SHQ1: variants seen among roughly 807,000 people sequenced by gnomAD.
The protein encoded by SHQ1 is SHQ1, H/ACA ribonucleoprotein assembly factor.
In SHQ1, 49 loss-of-function variants were observed where a neutral mutation model predicts 53.8. The observed-to-expected ratio is 0.91, with a 90% confidence interval of 0.72 to 1.16. SHQ1 has a LOEUF of 1.16. Ranked by LOEUF, SHQ1 falls within the 50% of genes most tolerant of loss-of-function variation. The pLI is 0.00. For missense variants in SHQ1, 738 were observed against 683.1 expected, an observed-to-expected ratio of 1.08 and a Z score of -0.90; for synonymous variants, 243 against 251.0, an observed-to-expected ratio of 0.97 and a Z score of 0.30.
chr3:72,781,053 CTTTT>C (rs1289843504), intron 10 of SHQ1, among the ~76,000 whole-genome samples: 1 of 141,666 alleles, frequency 7.1e-6, no homozygotes, highest in African/African-American at 2.6e-5. Flanking sequence ...ATTTTCTTCT[CTTTT>C]TTTTTTTCTT....
intron 5 of SHQ1, 140 bp downstream of exon 5, chr3:72,832,229 C>T: frequency 1.6e-6 from 1 of 635,888 alleles, no homozygotes; most frequent in Non-Finnish European, 2.8e-6. Context: ...TAGGTTAATT[C>T]AAATGTCCAT....
intron 10 of SHQ1, among the ~76,000 whole-genome samples, chr3:72,764,414 A>T (rs1377316760): frequency 2.0e-5 from 3 of 152,208 alleles, no homozygotes; most frequent in African/African-American, 4.8e-5. Context: ...ACTTGACAAC[A>T]GTTCTGACAA....
At chr3:72,751,494 G>GTACATATA (rs1431742565) in intron 10 of SHQ1, among the ~76,000 whole-genome samples, 12 of 97,550 alleles carry the variant, frequency 1.2e-4, no homozygotes, top group African/African-American at 4.4e-4. Flanking sequence ...GTGTGTGTGT[G>GTACATATA]TGTGTGTGTG....
chr3:72,725,369 G>C, the SHQ1 span, among the ~76,000 whole-genome samples: 2 of 152,094 alleles, frequency 1.3e-5, no homozygotes, highest in African/African-American at 2.4e-5. Flanking sequence ...CTATCCTCCT[G>C]ATTCTCTGAG....
chr3:72,732,427 T>TTC, the SHQ1 span, among the ~76,000 whole-genome samples: 14 of 136,400 alleles, frequency 1.0e-4, no homozygotes, highest in East Asian at 2.1e-4. Flanking sequence ...CCTTCCTTCC[T>TTC]CTCTCTCTCT....
rs112857922 is a variant in SHQ1, at chr3:72,832,848, T to C, written c.487-367A>G. 4.3e-3 allele frequency among the ~76,000 whole-genome samples: 657 copies of C among 152,158 alleles called. 5 individuals carry two copies. Among genetic ancestry groups the C allele is most frequent in the African/African-American group, 0.015 (624 of 41,500 alleles). ...CTAGAGATTTGAAAGTTATTAAACG[T>C]AGAGTGGCTGGATTTTCAGACATCT... is the stretch of plus-strand genomic sequence containing the variant. On this transcript the variant is annotated intron_variant, in intron 4 of 10. Transcript: ENST00000325599.
At chr3:72,729,357 G>A in the SHQ1 span, among the ~76,000 whole-genome samples, 1 of 152,154 alleles carries the variant, frequency 6.6e-6, no homozygotes, top group Admixed American at 6.5e-5. Context: ...AATGTGACCT[G>A]TGAGAATGAA....
intron 10 of SHQ1, among the ~76,000 whole-genome samples, chr3:72,751,476 A>ATGTGTG (rs372032784): frequency 0.018 from 2,021 of 109,520 alleles, 60 homozygotes; most frequent in Admixed American, 0.055. Context: ...ATAAGCACAT[A>ATGTGTG]TGTGTGTGTG....
At position 72,750,308 on chromosome 3, in the gene SHQ1, G is replaced by A. The variant is rs1338050301; in HGVS notation, c.1710C>T (p.Asp570=). 33 of 1,610,502 alleles carry A rather than the reference G, an allele frequency of 2.0e-5. No individual in the cohort carries two copies. Among genetic ancestry groups the A allele is most frequent in the Non-Finnish European group, 2.5e-5 (29 of 1,178,628 alleles). The change falls in exon 11 of 11, where the codon GAC becomes GAT. Residue 570 remains aspartate (D), a synonymous_variant. Coordinates refer to ENST00000325599, the MANE Select transcript of SHQ1 (RefSeq NM_018130.3). ...GTCAATTATTTGGTGTCTGACAGCC[G>A]TCTCTCTCCTGAATATTGCTGCGGT... is the stretch of plus-strand genomic sequence containing the variant. The part of the protein sequence containing the change: ...AVNRSNIQER[D]GCQTPNN
intron 9 of SHQ1, chr3:72,794,621 T>C (rs1229149439): frequency 6.6e-6 from 1 of 152,272 alleles, no homozygotes; most frequent in Non-Finnish European, 1.5e-5. Context: ...CTTTCCCATC[T>C]TTCAGATTCC....
At chr3:72,755,874 C>T (rs1289218005) in intron 10 of SHQ1, among the ~76,000 whole-genome samples, 2 of 152,148 alleles carry the variant, frequency 1.3e-5, no homozygotes, top group Non-Finnish European at 2.9e-5. Context: ...TATTAGATAA[C>T]CACTCTTACA....
intron 9 of SHQ1, among the ~76,000 whole-genome samples, chr3:72,810,740 G>T (rs1350823674): frequency 6.6e-6 from 1 of 152,096 alleles, no homozygotes; most frequent in East Asian, 1.9e-4. Flanking sequence ...CCATCCACCT[G>T]TACAAAGACA....
chr3:72,812,854 C>T, intron 8 of SHQ1, 60 bp from the exon 9 acceptor site: 8 of 1,594,916 alleles, frequency 5.0e-6, no homozygotes, highest in Non-Finnish European at 6.0e-6. Flanking sequence ...AACAAAAGTA[C>T]ACAATGAAAT....
At chr3:72,727,633 T>C in the SHQ1 span, among the ~76,000 whole-genome samples, 148 of 152,354 alleles carry the variant, frequency 9.7e-4, no homozygotes, top group Non-Finnish European at 1.9e-3. Context: ...TGTTTTGTTT[T>C]CAATCGCAAG....
At chr3:72,824,586 G>T (rs762740218) in intron 5 of SHQ1, 35 bp from the exon 6 acceptor site, 3 of 1,575,158 alleles carry the variant, frequency 1.9e-6, no homozygotes, top group Non-Finnish European at 2.6e-6. Context: ...TACTATACAG[G>T]ATTTCACTGG....
downstream of SHQ1, among the ~76,000 whole-genome samples, chr3:72,745,868 A>G (rs1297316260): frequency 1.3e-5 from 2 of 149,172 alleles, no homozygotes; most frequent in Admixed American, 1.3e-4. Flanking sequence ...TTTGAGACAG[A>G]GCCTCACTCT....
At chr3:72,836,114 T>C (rs927831436) in intron 4 of SHQ1, among the ~76,000 whole-genome samples, 5 of 152,194 alleles carry the variant, frequency 3.3e-5, no homozygotes, top group Non-Finnish European at 7.3e-5. Flanking sequence ...CTGTTCTGGG[T>C]GCCAAAGTGG....
At chr3:72,765,530 C>CATATATATATATATATATATAT (rs10551107) in intron 10 of SHQ1, among the ~76,000 whole-genome samples, 9 of 83,506 alleles carry the variant, frequency 1.1e-4, no homozygotes, top group African/African-American at 4.3e-4. Context: ...ATTCACATGA[C>CATATATATATATATATATATAT]ATATATATAT....
intron 10 of SHQ1, among the ~76,000 whole-genome samples, chr3:72,791,776 T>G (rs1335011108): frequency 6.6e-6 from 1 of 152,060 alleles, no homozygotes; most frequent in African/African-American, 2.4e-5. Context: ...GGTCTTGAAC[T>G]CCTGAACTCA....
Sources: allele counts gnomAD v4.1 joint callset (sites outside exome capture counted in the v4.1 genomes callset), GRCh38; gene constraint gnomAD v4.1.1; transcripts MANE v1.5; gene names NCBI Gene and HGNC (gene_info 2026-07-23, HGNC 2026-07-21).